Variants in ERCC1 observed in about 807,000 individuals in gnomAD.
The protein encoded by ERCC1 is ERCC excision repair 1, endonuclease non-catalytic subunit, also known as DNA excision repair protein ERCC-1.
Under a neutral mutation model 37.6 loss-of-function variants are expected in ERCC1, and 36 were observed. The observed-to-expected ratio is 0.96, with a 90% CI of 0.73 to 1.26. The LOEUF (loss-of-function observed/expected upper bound fraction) is 1.26. ERCC1 is among the 50% of genes most tolerant of loss of function. The probability of loss-of-function intolerance (pLI) is 0.00; values close to 1 mark genes in which losing one functional copy is unlikely to be tolerated. For missense variants in ERCC1, 349 were observed against 376.5 expected (o/e 0.93, Z 0.60); for synonymous variants, 156 against 162.1 (o/e 0.96, Z 0.28).
intron 8 of ERCC1, 94 bp downstream of exon 8, chr19:45,413,869 G>T: frequency 6.4e-7 from 1 of 1,568,300 alleles, no homozygotes; most frequent in South Asian, 1.1e-5. Context: ...GACGGGCAAG[G>T]GGTGGGCAGG....
chr19:45,446,178 G>A (rs989609472), intron 1 of ERCC1, among the ~76,000 whole-genome samples: 2 of 152,156 alleles, frequency 1.3e-5, no homozygotes, highest in Non-Finnish European at 2.9e-5. Context: ...GGGATTACAG[G>A]CGTGAGCCAC....
At chr19:45,413,858 G>A in intron 8 of ERCC1, 105 bp downstream of exon 8, 1 of 1,577,146 alleles carries the variant, frequency 6.3e-7, no homozygotes, top group Non-Finnish European at 8.7e-7. Context: ...TGGGAAGGCA[G>A]GACGGGCAAG....
In ERCC1 at chr19:45,420,814, G is replaced by A. The variant is rs1332510416; in HGVS notation, c.321+364C>T. Among the ~76,000 whole-genome samples, 1 of 152,020 alleles carries A rather than the reference G, an allele frequency of 6.6e-6. No individual in the cohort carries two copies. The highest frequency in any genetic ancestry group is 1.5e-5 in the Non-Finnish European group (1 of 68,014). Reference sequence around the variant, plus strand: ...CTTTTTGTGTTTTTAGTAGAGATGGGGTGTCACCATATTCGCCAGACTGGT... The same window carrying A: ...CTTTTTGTGTTTTTAGTAGAGATGGAGTGTCACCATATTCGCCAGACTGGT... On this transcript the variant is annotated intron_variant, in intron 3 of 9. Transcript: ENST00000300853. This position sits in a 1 kb window ranked among gnomAD's most constrained non-coding sequence, Gnocchi z 4.8.
rs1973413450 is a variant in ERCC1, at chr19:45,407,452, G to T, written c.*2223C>A. The stretch of plus-strand genomic sequence containing the variant: ...TATTTCTACTTATAAGAAACTATAA[G>T]GAACTATAGTTAAACTTGGAGTGTG... On this transcript the variant is annotated 3_prime_UTR_variant, in exon 10 of 10. Coordinates refer to ENST00000300853, the MANE Select transcript of ERCC1 (RefSeq NM_001983.4). 5.6e-6 allele frequency: 3 copies of T among 532,236 alleles called. No homozygotes were observed. In the East Asian group the frequency reaches 1.0e-4, roughly 18 times the overall value. The allele number at this position is 532,236 out of a possible 1,614,324, so 33.0% of individuals were successfully genotyped here.
intron 1 of ERCC1, among the ~76,000 whole-genome samples, chr19:45,439,695 C>A (rs1183733180): frequency 2.0e-5 from 3 of 152,022 alleles, no homozygotes; most frequent in Non-Finnish European, 4.4e-5. Context: ...CGTCCCGACG[C>A]CCCTGGAAGA....
intron 1 of ERCC1, among the ~76,000 whole-genome samples, chr19:45,440,892 C>A (rs969819504): frequency 2.6e-5 from 4 of 152,090 alleles, no homozygotes; most frequent in African/African-American, 9.7e-5. Context: ...CACCAGCACA[C>A]CTGGCTAATT....
At chr19:45,414,202 G>A (rs933050805) in intron 7 of ERCC1, 168 bp from the exon 8 acceptor site, 7 of 666,442 alleles carry the variant, frequency 1.1e-5, no homozygotes, top group South Asian at 3.2e-5. Context: ...CAGGCTGGGC[G>A]TGGTGGCTCA....
chr19:45,409,582 C>G lies in ERCC1; in HGVS notation c.*93G>C. 6.3e-7 allele frequency: 1 copy of G among 1,576,678 alleles called. No homozygotes were observed. ...CCAGAAGGTGACACCCCCAGAATCC[C>G]TCCCCAGAGACTGCACCAGCGCAGC... On this transcript the variant is annotated 3_prime_UTR_variant, in exon 10 of 10. Transcript: ENST00000300853.
intron 2 of ERCC1, among the ~76,000 whole-genome samples, chr19:45,421,953 G>A (rs1311941000): frequency 6.6e-6 from 1 of 151,838 alleles, no homozygotes; most frequent in Non-Finnish European, 1.5e-5. Context: ...CTTCAGGGCT[G>A]CCCATCCTCC....
intron 1 of ERCC1, among the ~76,000 whole-genome samples, chr19:45,448,537 A>C (rs1204623934): frequency 6.6e-6 from 1 of 152,086 alleles, no homozygotes; most frequent in East Asian, 1.9e-4. Context: ...GAGAGATCAG[A>C]GATAGGGTTC....
upstream of ERCC1, among the ~76,000 whole-genome samples, chr19:45,427,814 G>A (rs1176907636): frequency 6.6e-6 from 1 of 152,120 alleles, no homozygotes; most frequent in African/African-American, 2.4e-5. Context: ...AAGTGTTGGG[G>A]AGCCGGGGCC....
At chr19:45,435,825 A>G (rs1255377990) in intron 1 of ERCC1, among the ~76,000 whole-genome samples, 1 of 152,022 alleles carries the variant, frequency 6.6e-6, no homozygotes, top group Non-Finnish European at 1.5e-5. Flanking sequence ...CAGTGGCGCA[A>G]TCTTGGCTCA....
intron 6 of ERCC1, among the ~76,000 whole-genome samples, chr19:45,415,204 G>A (rs1001316487): frequency 1.3e-5 from 2 of 151,942 alleles, no homozygotes; most frequent in African/African-American, 4.8e-5. Flanking sequence ...GCTTGGTGGC[G>A]CGTGCCTGTA....
intron 5 of ERCC1, 116 bp downstream of exon 5, chr19:45,418,982 T>C (rs1974231274): frequency 1.3e-6 from 1 of 758,140 alleles, no homozygotes; most frequent in South Asian, 1.5e-5. Context: ...TCATCTCAGA[T>C]GTGAAAAACG....
chr19:45,409,889 A>ATTTTT (rs1184782156), intron 9 of ERCC1, 164 bp from the exon 10 acceptor site: 23 of 237,682 alleles, frequency 9.7e-5, no homozygotes, highest in South Asian at 1.9e-4. Flanking sequence ...TATTATTATT[A>ATTTTT]TTATTATTTT....
chr19:45,439,674 C>G (rs978016320), intron 1 of ERCC1, among the ~76,000 whole-genome samples: 166 of 152,064 alleles, frequency 1.1e-3, no homozygotes, highest in African/African-American at 3.5e-3. Flanking sequence ...GGCTCTGAAC[C>G]CCGGCGGACG....
Position 45,408,830 on chromosome 19 carries a change from A to G in ERCC1, c.*845T>C. 1 of 1,614,136 alleles carries G rather than the reference A, an allele frequency of 6.2e-7. No homozygotes were observed. Among genetic ancestry groups the G allele is most frequent in the Non-Finnish European group, 8.5e-7 (1 of 1,180,034 alleles). On this transcript the variant is annotated 3_prime_UTR_variant, in exon 10 of 10. Coordinates refer to ENST00000300853, the MANE Select transcript of ERCC1 (RefSeq NM_001983.4). ...AGAAGACACAGTCCTGTCCCCGACC[A>G]AAAAGAGAAAGAGGCAAAAGGGGAC...
intron 1 of ERCC1, chr19:45,449,381 G>A (rs886735287): frequency 1.3e-5 from 2 of 152,250 alleles, no homozygotes; most frequent in African/African-American, 2.4e-5. Flanking sequence ...GGAGCTGGAC[G>A]CTGTGGCTCA....
intron 9 of ERCC1, among the ~76,000 whole-genome samples, chr19:45,411,625 C>G (rs2123454704): frequency 6.6e-6 from 1 of 152,088 alleles, no homozygotes; most frequent in Middle Eastern, 3.4e-3. Context: ...GAAACCCCAT[C>G]TCTACTAAAA....
Sources: allele counts gnomAD v4.1 joint callset (sites outside exome capture counted in the v4.1 genomes callset), GRCh38; gene constraint gnomAD v4.1.1; non-coding constraint Gnocchi (gnomAD v3.1); transcripts MANE v1.5; gene names NCBI Gene and HGNC (gene_info 2026-07-23, HGNC 2026-07-21).